Variants in PPP1R9A observed in about 807,000 individuals in gnomAD.
PPP1R9A encodes neurabin-1.
PPP1R9A carries 59 observed loss-of-function variants against 141.9 expected under a neutral mutation model. The ratio of observed to expected loss-of-function variants is 0.42; its 90% confidence interval spans 0.34 to 0.52. The LOEUF (loss-of-function observed/expected upper bound fraction) is 0.52. Among genes scored for constraint, PPP1R9A ranks in the 20% least tolerant of loss-of-function variants. PPP1R9A has a pLI of 0.10. For missense variants in PPP1R9A, 1,444 were observed against 1,611.9 expected (o/e 0.90, Z 1.78); for synonymous variants, 500 against 569.7 (o/e 0.88, Z 1.74).
chr7:95,120,656 C>A (rs1822400407), intron 3 of PPP1R9A, 56 bp from the exon 4 acceptor site: 1 of 1,575,918 alleles, frequency 6.3e-7, no homozygotes, highest in South Asian at 1.2e-5. Context: ...CAGCTAATTG[C>A]AGACTAGTGT....
intron 5 of PPP1R9A, among the ~76,000 whole-genome samples, chr7:95,167,013 T>C (rs1585043906): frequency 6.6e-6 from 1 of 152,198 alleles, no homozygotes; most frequent in African/African-American, 2.4e-5. Flanking sequence ...GGAAAAAACC[T>C]GTATTAGTCC....
chr7:95,256,486 G>A (rs1294006387), intron 12 of PPP1R9A, among the ~76,000 whole-genome samples: 1 of 152,024 alleles, frequency 6.6e-6, no homozygotes, highest in Non-Finnish European at 1.5e-5. Context: ...GATATTGTGA[G>A]GCTAACAAAA....
intron 2 of PPP1R9A, among the ~76,000 whole-genome samples, chr7:94,956,878 T>G (rs1297202679): frequency 1.3e-5 from 2 of 152,114 alleles, no homozygotes; most frequent in East Asian, 3.9e-4. Flanking sequence ...AAGTTTGGAT[T>G]CCGAATTTTC....
At chr7:95,163,502 C>T (rs770121981) in intron 5 of PPP1R9A, among the ~76,000 whole-genome samples, 9 of 152,236 alleles carry the variant, frequency 5.9e-5, no homozygotes, top group Admixed American at 3.9e-4. Flanking sequence ...GAAGTGTTTC[C>T]GATTTCAGAT....
intron 8 of PPP1R9A, among the ~76,000 whole-genome samples, chr7:95,227,435 A>T (rs1056334323): frequency 6.6e-6 from 1 of 152,180 alleles, no homozygotes; most frequent in Admixed American, 6.5e-5. Flanking sequence ...TGAGCTAAGG[A>T]CTCAAAGTTC....
intron 2 of PPP1R9A, among the ~76,000 whole-genome samples, chr7:95,089,835 A>T (rs1037101122): frequency 2.0e-5 from 3 of 151,896 alleles, no homozygotes; most frequent in Non-Finnish European, 4.4e-5. Context: ...TCAGGGAACT[A>T]GTTCTTCTGT....
chr7:94,914,339 G>T (rs1266166496), intron 2 of PPP1R9A, among the ~76,000 whole-genome samples: 1 of 152,042 alleles, frequency 6.6e-6, no homozygotes, highest in African/African-American at 2.4e-5. Context: ...GTTTTACATA[G>T]ATATTTCCAT....
chr7:95,093,309 AG>A (rs1419890716), intron 2 of PPP1R9A, among the ~76,000 whole-genome samples: 1 of 152,154 alleles, frequency 6.6e-6, no homozygotes, highest in Non-Finnish European at 1.5e-5. Flanking sequence ...GCTGCACTCA[AG>A]GCTGCAAAGG....
chr7:95,216,758 G>C (rs1793504895), intron 7 of PPP1R9A, among the ~76,000 whole-genome samples: 1 of 152,068 alleles, frequency 6.6e-6, no homozygotes, highest in Non-Finnish European at 1.5e-5. Context: ...TCATGATTTG[G>C]CTCTCTGTTT....
intron 2 of PPP1R9A, among the ~76,000 whole-genome samples, chr7:94,983,760 A>G (rs1166450701): frequency 8.5e-5 from 13 of 152,206 alleles, no homozygotes; most frequent in Non-Finnish European, 1.8e-4. Flanking sequence ...TAAATATACA[A>G]TCATGTCATC....
chr7:94,926,911 G>A (rs1793554343), intron 2 of PPP1R9A, among the ~76,000 whole-genome samples: 1 of 151,998 alleles, frequency 6.6e-6, no homozygotes. Context: ...GTAATAAATT[G>A]CATGGGACCA....
chr7:95,040,884 G>C (rs988551377), intron 2 of PPP1R9A, among the ~76,000 whole-genome samples: 2 of 152,062 alleles, frequency 1.3e-5, no homozygotes, highest in African/African-American at 4.8e-5. Context: ...CTCTCTCCCT[G>C]CTGAAAATCC....
intron 2 of PPP1R9A, among the ~76,000 whole-genome samples, chr7:95,093,009 T>G (rs1278959467): frequency 6.6e-6 from 1 of 152,232 alleles, no homozygotes; most frequent in Non-Finnish European, 1.5e-5. Flanking sequence ...TTAAGACATA[T>G]GGCATATGTA....
intron 8 of PPP1R9A, among the ~76,000 whole-genome samples, chr7:95,236,706 AC>A (rs1433441207): frequency 1.3e-5 from 2 of 151,342 alleles, no homozygotes; most frequent in Non-Finnish European, 2.9e-5. Context: ...AAGAAAAAAA[AC>A]AAAGACCAAT....
At chr7:95,221,701 G>A (rs538784627) in intron 7 of PPP1R9A, among the ~76,000 whole-genome samples, 27 of 151,994 alleles carry the variant, frequency 1.8e-4, no homozygotes, top group Middle Eastern at 3.4e-3. Flanking sequence ...AAGAAAATTA[G>A]GTATGAGAAG....
At chr7:95,084,772 A>G (rs906744036) in intron 2 of PPP1R9A, among the ~76,000 whole-genome samples, 1 of 152,064 alleles carries the variant, frequency 6.6e-6, no homozygotes, top group African/African-American at 2.4e-5. Flanking sequence ...TATAGTTAGT[A>G]CATGTATTCT....
chr7:95,255,113 G>A (rs1055595951), intron 12 of PPP1R9A, among the ~76,000 whole-genome samples: 40 of 151,934 alleles, frequency 2.6e-4, no homozygotes, highest in Non-Finnish European at 1.6e-4. Flanking sequence ...TCCAGGAAAG[G>A]AAAAATGATA....
chr7:95,284,304 T>A lies in PPP1R9A; in HGVS notation c.3583T>A (p.Ser1195Thr), dbSNP rs370051813. 5.9e-6 allele frequency: 9 copies of A among 1,532,264 alleles called. No individual in the cohort carries two copies. The highest frequency in any genetic ancestry group is 8.0e-6 in the Non-Finnish European group (9 of 1,130,504). 94.9% of individuals were successfully genotyped at this position (1,532,264 alleles called of 1,614,324 possible). A position where few individuals can be genotyped will look rare whatever the true frequency, so the allele number is the denominator to read the frequency against. ...CTTTGGAAGGCATTCTCAACTTATGTCTGTAGTCTGGATCCAAGAAACCAA... is the reference window on the plus strand; with the variant it reads ...CTTTGGAAGGCATTCTCAACTTATGACTGTAGTCTGGATCCAAGAAACCAA... ...SIFGRHSQLM[S>T]VVWIQETNNF... Residue 1195 changes from serine (S) to threonine (T), a missense_variant, in exon 17 of 20, where the codon TCT (serine) becomes ACT (threonine). This residue lies in a region of PPP1R9A where 459 missense variants were observed against 513.8 expected (regional missense o/e 0.89). Transcript: ENST00000433360.
At chr7:95,086,418 C>T (rs1407410817) in intron 2 of PPP1R9A, among the ~76,000 whole-genome samples, 1 of 151,944 alleles carries the variant, frequency 6.6e-6, no homozygotes, top group African/African-American at 2.4e-5. Context: ...TAAATTTTGA[C>T]ACAAATATAA....
Sources: gnomAD v4.1 joint callset for allele counts (sites outside exome capture counted in the v4.1 genomes callset) on GRCh38, gnomAD v4.1.1 for gene constraint, gnomAD v4.1.1 regional missense constraint, MANE v1.5 for transcripts, NCBI Gene and HGNC (gene_info 2026-07-23, HGNC 2026-07-21) for gene names.